SGCZ: variants seen among roughly 807,000 people sequenced by gnomAD.
SGCZ encodes the protein zeta-sarcoglycan.
Under a neutral mutation model 41.3 loss-of-function variants are expected in SGCZ, and 40 were observed. The observed-to-expected ratio is 0.97, with a 90% CI of 0.75 to 1.26. SGCZ has a LOEUF of 1.26. Ranked by LOEUF, SGCZ falls within the 50% of genes most tolerant of loss-of-function variation. The pLI is 0.00. For missense variants in SGCZ, 552 were observed against 369.8 expected, an observed-to-expected ratio of 1.49 and a Z score of -4.04; for synonymous variants, 206 against 137.5, an observed-to-expected ratio of 1.50 and a Z score of -3.49.
chr8:14,913,456 T>C (rs1266162828), intron 1 of SGCZ, among the ~76,000 whole-genome samples: 1 of 152,070 alleles, frequency 6.6e-6, no homozygotes, highest in African/African-American at 2.4e-5. Context: ...GAGATGTTTG[T>C]ACCAAATATA....
intron 1 of SGCZ, among the ~76,000 whole-genome samples, chr8:14,854,710 G>A (rs1425857519): frequency 2.0e-5 from 3 of 151,928 alleles, no homozygotes; most frequent in Admixed American, 1.3e-4. Context: ...TTTCACTTTT[G>A]TTGGATTATT....
chr8:14,287,134 C>G (rs1360623323), intron 3 of SGCZ, among the ~76,000 whole-genome samples: 1 of 70,682 alleles, frequency 1.4e-5, no homozygotes, highest in Non-Finnish European at 4.1e-5. Context: ...ATAGCACATA[C>G]AGTATTTTTT....
intron 1 of SGCZ, among the ~76,000 whole-genome samples, chr8:14,824,097 A>C (rs530070850): frequency 6.6e-6 from 1 of 152,250 alleles, no homozygotes; most frequent in East Asian, 1.9e-4. Context: ...CTAGGGAAGC[A>C]AAAGAGGAGA....
Position 14,626,154 on chromosome 8 carries a change from T to C in SGCZ, c.40-71228A>G, listed in dbSNP as rs1469291047. On this transcript the variant is annotated intron_variant, in intron 1 of 7. Transcript: ENST00000382080. ...CTCAGTCTTTTTGTTTTATATCATTTTTATTTTATTTTATGTTCTAAGATA... is the reference window on the plus strand; with the variant it reads ...CTCAGTCTTTTTGTTTTATATCATTCTTATTTTATTTTATGTTCTAAGATA... 2.0e-5 allele frequency among the ~76,000 whole-genome samples: 3 copies of C among 152,284 alleles called. No individual in the cohort carries two copies. In the East Asian group the frequency reaches 5.8e-4, roughly 29 times the overall value.
intron 1 of SGCZ, among the ~76,000 whole-genome samples, chr8:14,776,999 C>A (rs960988056): frequency 7.2e-5 from 11 of 152,132 alleles, no homozygotes; most frequent in African/African-American, 2.7e-4. Context: ...GTTCAGACAG[C>A]ATCAGAAAGC....
intron 1 of SGCZ, among the ~76,000 whole-genome samples, chr8:15,200,346 C>T (rs755969622): frequency 3.3e-5 from 5 of 152,182 alleles, no homozygotes; most frequent in Non-Finnish European, 5.9e-5. Flanking sequence ...AGGACTTCCT[C>T]AGCCCTGGGG....
At chr8:14,162,153 C>T (rs1804066654) in intron 5 of SGCZ, among the ~76,000 whole-genome samples, 1 of 152,144 alleles carries the variant, frequency 6.6e-6, no homozygotes, top group Non-Finnish European at 1.5e-5. Flanking sequence ...TCTGCCTTTA[C>T]TTCGCTGGAA....
intron 2 of SGCZ, among the ~76,000 whole-genome samples, chr8:14,524,017 A>G (rs1480803282): frequency 6.6e-6 from 1 of 152,106 alleles, no homozygotes; most frequent in Non-Finnish European, 1.5e-5. Flanking sequence ...TGTTGAAAAC[A>G]TTCATTGAGT....
chr8:14,437,893 C>T (rs1800138475), intron 2 of SGCZ, among the ~76,000 whole-genome samples: 1 of 151,742 alleles, frequency 6.6e-6, no homozygotes, highest in Non-Finnish European at 1.5e-5. Flanking sequence ...TCAAAAATCA[C>T]TGACCTATTT....
chr8:14,916,149 A>G (rs1368833223), intron 1 of SGCZ, among the ~76,000 whole-genome samples: 1 of 152,212 alleles, frequency 6.6e-6, no homozygotes, highest in Non-Finnish European at 1.5e-5. Context: ...TTTTTAAATC[A>G]GTTTTAAAAA....
At chr8:14,141,342 C>T (rs560571309) in intron 5 of SGCZ, among the ~76,000 whole-genome samples, 8 of 152,272 alleles carry the variant, frequency 5.3e-5, no homozygotes, top group Admixed American at 3.3e-4. Context: ...TAAAGAGCTT[C>T]TGCACAGCAA....
intron 5 of SGCZ, among the ~76,000 whole-genome samples, chr8:14,133,776 G>A (rs137909669): frequency 7.6e-4 from 115 of 152,052 alleles, no homozygotes; most frequent in Middle Eastern, 3.4e-3. Flanking sequence ...TCTTTAGGAG[G>A]ATGAAAGCTT....
At chr8:14,744,359 C>G (rs1466416191) in intron 1 of SGCZ, among the ~76,000 whole-genome samples, 1 of 152,242 alleles carries the variant, frequency 6.6e-6, no homozygotes, top group African/African-American at 2.4e-5. Flanking sequence ...TAGGCCAGAA[C>G]ACATTCCAAA....
intron 2 of SGCZ, among the ~76,000 whole-genome samples, chr8:14,339,579 A>C (rs1387005361): frequency 6.6e-6 from 1 of 152,202 alleles, no homozygotes. Flanking sequence ...GTTTGATAAT[A>C]GGCTTGCATG....
chr8:15,201,924 T>C (rs1800904493), intron 1 of SGCZ, among the ~76,000 whole-genome samples: 1 of 152,224 alleles, frequency 6.6e-6, no homozygotes, highest in African/African-American at 2.4e-5. Context: ...TTAAATGTTT[T>C]CATTTTCACT....
intron 1 of SGCZ, among the ~76,000 whole-genome samples, chr8:15,191,824 T>C (rs1263888819): frequency 6.6e-6 from 1 of 152,188 alleles, no homozygotes; most frequent in African/African-American, 2.4e-5. Flanking sequence ...TATTTAATTA[T>C]ACAAAATGAC....
At chr8:14,172,786 G>A (rs1247582228) in intron 4 of SGCZ, among the ~76,000 whole-genome samples, 3 of 152,106 alleles carry the variant, frequency 2.0e-5, no homozygotes, top group Non-Finnish European at 4.4e-5. Flanking sequence ...AATTTGTGGG[G>A]CAATGAAACG....
intron 2 of SGCZ, among the ~76,000 whole-genome samples, chr8:14,547,734 C>A (rs1187195117): frequency 1.3e-5 from 2 of 152,090 alleles, no homozygotes; most frequent in Non-Finnish European, 2.9e-5. Context: ...GTTCAGTAAT[C>A]AGCACAAGGT....
intron 2 of SGCZ, among the ~76,000 whole-genome samples, chr8:14,449,773 T>C (rs2117397462): frequency 6.6e-6 from 1 of 152,292 alleles, no homozygotes; most frequent in South Asian, 2.1e-4. Flanking sequence ...AGGCTTAAAC[T>C]GAGAACACCT....
Sources: gnomAD v4.1 joint callset for allele counts (sites outside exome capture counted in the v4.1 genomes callset) on GRCh38, gnomAD v4.1.1 for gene constraint, MANE v1.5 for transcripts, NCBI Gene and HGNC (gene_info 2026-07-23, HGNC 2026-07-21) for gene names.